Variants in ZKSCAN5 observed in about 807,000 individuals in gnomAD.
ZKSCAN5 encodes zinc finger with KRAB and SCAN domains 5.
In ZKSCAN5, 28 loss-of-function variants were observed where a neutral mutation model predicts 60.0. The observed-to-expected ratio is 0.47, with a 90% confidence interval of 0.35 to 0.64. The LOEUF (loss-of-function observed/expected upper bound fraction) is 0.64. ZKSCAN5 is among the 30% of genes least tolerant of loss of function. The pLI is 0.01. For synonymous variants in ZKSCAN5, 361 were observed against 371.2 expected (o/e 0.97, Z 0.31); for missense variants, 881 against 1,034.6 (o/e 0.85, Z 2.04).
intron 6 of ZKSCAN5, among the ~76,000 whole-genome samples, chr7:99,529,300 C>T (rs547743954): frequency 6.6e-6 from 1 of 152,228 alleles, no homozygotes; most frequent in South Asian, 2.1e-4. Flanking sequence ...ACCACGATCC[C>T]TTGCTAATTT....
Position 99,533,097 on chromosome 7 carries a change from A to T in ZKSCAN5, c.*848A>T, listed in dbSNP as rs1802125932. 5.6e-6 allele frequency: 2 copies of T among 358,256 alleles called. No homozygotes were observed. Among genetic ancestry groups the T allele is most frequent in the African/African-American group, 4.1e-5 (2 of 48,484 alleles). The allele number at this position is 358,256 out of a possible 1,614,324, so 22.2% of individuals were successfully genotyped here. ...CACAGGAATGAGGGCAGCTAAACCCATAGAAGGAGTTGGACCAAGGCGAAT... is the reference window on the plus strand; with the variant it reads ...CACAGGAATGAGGGCAGCTAAACCCTTAGAAGGAGTTGGACCAAGGCGAAT... On this transcript the variant is annotated 3_prime_UTR_variant, in exon 7 of 7. Coordinates refer to ENST00000326775, the MANE Select transcript of ZKSCAN5 (RefSeq NM_145102.4).
intron 3 of ZKSCAN5, among the ~76,000 whole-genome samples, chr7:99,514,870 C>T (rs1801194224): frequency 6.6e-6 from 1 of 151,142 alleles, no homozygotes; most frequent in African/African-American, 2.4e-5. Flanking sequence ...GAGATCGCAC[C>T]ACTGCACTCC....
intron 2 of ZKSCAN5, among the ~76,000 whole-genome samples, chr7:99,507,483 G>GTGTA (rs1800796581): frequency 1.6e-5 from 2 of 128,100 alleles, no homozygotes; most frequent in African/African-American, 3.2e-5. Context: ...GTATATATGT[G>GTGTA]TATATATGTA....
At chr7:99,522,102 A>G (rs1362365171) in intron 5 of ZKSCAN5, among the ~76,000 whole-genome samples, 1 of 152,160 alleles carries the variant, frequency 6.6e-6, no homozygotes, top group Non-Finnish European at 1.5e-5. Flanking sequence ...TATCACTTCA[A>G]TACACTATTC....
At chr7:99,514,013 C>T (rs1801158836) in intron 3 of ZKSCAN5, among the ~76,000 whole-genome samples, 1 of 152,110 alleles carries the variant, frequency 6.6e-6, no homozygotes, top group South Asian at 2.1e-4. Context: ...GCACTGGACT[C>T]CAGCCTGGGC....
At chr7:99,517,361 G>A (rs540179958) in intron 3 of ZKSCAN5, among the ~76,000 whole-genome samples, 4 of 151,792 alleles carry the variant, frequency 2.6e-5, no homozygotes, top group African/African-American at 9.6e-5. Flanking sequence ...ACTGTGCCTG[G>A]CCCTTCATAA....
intron 4 of ZKSCAN5, 105 bp downstream of exon 4, chr7:99,520,014 A>G: frequency 1.3e-6 from 2 of 1,506,204 alleles, no homozygotes; most frequent in South Asian, 2.3e-5. Flanking sequence ...TGGTACCTTC[A>G]TTCCTTTGGC....
chr7:99,517,012 A>G (rs1366311851), intron 3 of ZKSCAN5, among the ~76,000 whole-genome samples: 1 of 152,166 alleles, frequency 6.6e-6, no homozygotes, highest in African/African-American at 2.4e-5. Flanking sequence ...TAAAATACAC[A>G]AACACTAACC....
intron 5 of ZKSCAN5, among the ~76,000 whole-genome samples, chr7:99,523,257 A>G (rs969473262): frequency 2.0e-5 from 3 of 151,176 alleles, no homozygotes; most frequent in African/African-American, 7.3e-5. Context: ...GATCTGGGGT[A>G]CAGGAAGGAG....
chr7:99,510,331 C>T (rs1043685558), intron 2 of ZKSCAN5, among the ~76,000 whole-genome samples: 6 of 151,974 alleles, frequency 3.9e-5, no homozygotes, highest in African/African-American at 7.3e-5. Flanking sequence ...CCTCTGCCTC[C>T]GGGTTGATTC....
rs1801440167 is a variant in ZKSCAN5, at chr7:99,519,807, C to T, written c.554-20C>T. 1.9e-6 allele frequency: 3 copies of T among 1,608,010 alleles called. No homozygotes were observed. Among genetic ancestry groups the T allele is most frequent in the Non-Finnish European group, 2.6e-6 (3 of 1,175,378 alleles). ...CGGGCAAAGATGTTCTCACTTAAAC[C>T]TCTTTTTCTCCTCCCTTAGCCCTTC... On this transcript the variant is annotated intron_variant, in intron 3 of 6. Coordinates refer to ENST00000326775, the MANE Select transcript of ZKSCAN5 (RefSeq NM_145102.4).
In ZKSCAN5 at chr7:99,519,896, C is replaced by T; in HGVS notation, c.623C>T (p.Ser208Leu). 1.2e-6 allele frequency: 2 copies of T among 1,614,168 alleles called. No homozygotes were observed. Among genetic ancestry groups the T allele is most frequent in the Non-Finnish European group, 1.7e-6 (2 of 1,180,040 alleles). ...CAGGAGCTGACAGCTTCACTTCTCTCAACTGGGTCCCAGGTGAGCTGGTGC... is the reference window on the plus strand; with the variant it reads ...CAGGAGCTGACAGCTTCACTTCTCTTAACTGGGTCCCAGGTGAGCTGGTGC... ...DSQELTASLLSTGSQKLVKIE... is the reference protein window; with the variant it reads ...DSQELTASLLLTGSQKLVKIE... Residue 208 changes from serine (S) to leucine (L), a missense_variant, in exon 4 of 7, where the codon TCA becomes TTA. Around this residue, in one of 5 missense-constraint regions of ZKSCAN5, gnomAD observed 490 missense variants for 554.5 expected, o/e 0.88. Coordinates refer to ENST00000326775, the MANE Select transcript of ZKSCAN5 (RefSeq NM_145102.4).
In ZKSCAN5 at chr7:99,520,268, G is replaced by C; in HGVS notation, c.736G>C (p.Asp246His). Residue 246 changes from aspartate (D) to histidine (H), a missense_variant, in exon 5 of 7, where the codon GAC becomes CAC. Physicochemically the swap from Asp to His is moderately conservative, Grantham distance 81. Coordinates refer to ENST00000326775, the MANE Select transcript of ZKSCAN5 (RefSeq NM_145102.4). The part of the protein sequence containing the change: ...DQSQKSLYRD[D>H]RKENYGSITS... ...GTCCCAGAAGTCCCTTTATAGGGAT[G>C]ACAGGAAGGAGAACTATGGGAGTAT... The C allele has an allele frequency of 1.2e-6, 2 of 1,614,106 alleles. No individual in the cohort carries two copies. The highest frequency in any genetic ancestry group is 1.7e-6 in the Non-Finnish European group (2 of 1,180,016).
At chr7:99,515,161 T>G (rs1801207344) in intron 3 of ZKSCAN5, among the ~76,000 whole-genome samples, 1 of 151,706 alleles carries the variant, frequency 6.6e-6, no homozygotes, top group Non-Finnish European at 1.5e-5. Flanking sequence ...TCCCAGCACT[T>G]TGGGAGGCTG....
intron 5 of ZKSCAN5, among the ~76,000 whole-genome samples, chr7:99,525,048 C>G (rs1355000965): frequency 6.6e-6 from 1 of 151,982 alleles, no homozygotes; most frequent in African/African-American, 2.4e-5. Context: ...CGCCTGTAGT[C>G]CCAGTGACTT....
chr7:99,531,701 G>A lies in ZKSCAN5; in HGVS notation c.1972G>A (p.Glu658Lys). 6.2e-7 allele frequency: 1 copy of A among 1,614,192 alleles called. No individual in the cohort carries two copies. Among genetic ancestry groups the A allele is most frequent in the African/African-American group, 1.3e-5 (1 of 75,048 alleles). ...TGGACATCTTCGACTCCACTCCCGA[G>A]AGAAATCCCATCAGTGTCGTGAATG... The part of the protein sequence containing the change: ...LAGHLRLHSR[E>K]KSHQCRECGE... The change falls in exon 7 of 7, where the codon GAG becomes AAG. Residue 658 changes from glutamate to lysine, a missense_variant. Physicochemically the swap from Glu to Lys is moderately conservative, Grantham distance 56 (BLOSUM62 1). Around this residue, in one of 5 missense-constraint regions of ZKSCAN5, gnomAD observed 112 missense variants for 182.4 expected, o/e 0.61. Transcript: ENST00000326775.
rs1254850728 is a variant in ZKSCAN5 at position 99,526,247 on chromosome 7, A to G, written c.1207A>G (p.Lys403Glu). Reference sequence around the variant, plus strand: ...CGTCCACACAGGGGAGAAACCCTACAAATGTCAGGTGTGCGGAAAGGCTTT... The same window carrying G: ...CGTCCACACAGGGGAGAAACCCTACGAATGTCAGGTGTGCGGAAAGGCTTT... ...QRVHTGEKPY[K>E]CQVCGKAFRV... The change falls in exon 6 of 7, where the codon AAA (lysine) becomes GAA (glutamate). Residue 403 changes from lysine (K) to glutamate (E), a missense_variant. This residue lies in a region of ZKSCAN5 where 490 missense variants were observed against 554.5 expected (regional missense o/e 0.88). Transcript: ENST00000326775. 2 of 1,614,004 alleles carry G rather than the reference A, an allele frequency of 1.2e-6. No homozygotes were observed. Among genetic ancestry groups the G allele is most frequent in the African/African-American group, 2.7e-5 (2 of 74,932 alleles).
At chr7:99,512,780 A>G (rs1801096186) in intron 3 of ZKSCAN5, among the ~76,000 whole-genome samples, 189 bp downstream of exon 3, 2 of 151,964 alleles carry the variant, frequency 1.3e-5, no homozygotes, top group African/African-American at 2.4e-5. Context: ...CATTCCTAGA[A>G]TGGCTAGGAA....
Position 99,508,240 on chromosome 7 carries a change from AG to A in ZKSCAN5, c.414+1783del, listed in dbSNP as rs1362899729. Among the ~76,000 whole-genome samples, 22 of 151,862 alleles carry A rather than the reference AG, an allele frequency of 1.4e-4. No homozygotes were observed. The South Asian group carries it at 3.9e-3, about 27-fold the overall frequency. On this transcript the variant is annotated intron_variant, in intron 2 of 6. Transcript: ENST00000326775. ...CTTGAACCTGGGAGTCGGAGGTTGC[AG>A]TGAGCCGAGATTGTGCCACTGCACT...
Sources: allele counts gnomAD v4.1 joint callset (sites outside exome capture counted in the v4.1 genomes callset), GRCh38; gene constraint gnomAD v4.1.1; regional missense constraint gnomAD v4.1.1; transcripts MANE v1.5; gene names NCBI Gene and HGNC (gene_info 2026-07-23, HGNC 2026-07-21).